Variants in SRPK1 observed in about 807,000 individuals in gnomAD.
The protein encoded by SRPK1 is SFRS protein kinase 1.
SRPK1 carries 52 observed loss-of-function variants against 89.5 expected under a neutral mutation model. The ratio of observed to expected loss-of-function variants is 0.58; its 90% CI spans 0.46 to 0.73. The LOEUF is 0.73. SRPK1 is among the 30% of genes least tolerant of loss of function. The pLI is 0.00. For synonymous variants in SRPK1, 255 were observed against 270.2 expected, an observed-to-expected ratio of 0.94 and a Z score of 0.55; for missense variants, 603 against 780.6, an observed-to-expected ratio of 0.77 and a Z score of 2.71.
At chr6:35,884,648 GAATAA>G (rs1331212712) in intron 6 of SRPK1, among the ~76,000 whole-genome samples, 1 of 152,128 alleles carries the variant, frequency 6.6e-6, no homozygotes, top group Non-Finnish European at 1.5e-5. Flanking sequence ...ATGGAGAAAA[GAATAA>G]AATAGGGAAT....
intron 2 of SRPK1, among the ~76,000 whole-genome samples, chr6:35,903,957 C>T (rs115236822): frequency 0.01 from 1,522 of 152,030 alleles, 21 homozygotes; most frequent in African/African-American, 0.034. Flanking sequence ...GCGTGCATCA[C>T]AACACCCAGC....
At chr6:35,892,008 A>G (rs1770527965) in intron 2 of SRPK1, among the ~76,000 whole-genome samples, 1 of 152,172 alleles carries the variant, frequency 6.6e-6, no homozygotes, top group South Asian at 2.1e-4. Context: ...ACAACTATTA[A>G]CATTTTGGAA....
At chr6:35,857,221 T>C (rs1482494766) in intron 13 of SRPK1, 40 bp downstream of exon 13, 2 of 1,447,676 alleles carry the variant, frequency 1.4e-6, no homozygotes, top group Non-Finnish European at 1.9e-6. Context: ...GCAAGATATG[T>C]ACCACTTAAC....
intron 12 of SRPK1, 126 bp from the exon 13 acceptor site, chr6:35,857,494 T>A: frequency 1.4e-6 from 1 of 734,344 alleles, no homozygotes; most frequent in Non-Finnish European, 2.3e-6. Flanking sequence ...TCACTTTGCT[T>A]ATTTCTTAAA....
At position 35,838,790 on chromosome 6, in the gene SRPK1, C is replaced by T. The variant is rs769809116; in HGVS notation, c.1691-361G>A. 13 of 1,377,274 alleles carry T rather than the reference C, an allele frequency of 9.4e-6. No homozygotes were observed. The Admixed American group carries it at 2.3e-4, about 24-fold the overall frequency. 85.3% of individuals were successfully genotyped at this position (1,377,274 alleles called of 1,614,324 possible). A position where few individuals can be genotyped will look rare whatever the true frequency, so the allele number is the denominator to read the frequency against. The stretch of plus-strand genomic sequence containing the variant: ...CTGCCTATCAGCTCTATAATGTGCA[C>T]AATGTGGTCTAAAATAGAAGGGTAA... On this transcript the variant is annotated intron_variant, in intron 14 of 15. Transcript: ENST00000373825.
At chr6:35,900,711 T>C (rs1441711247) in intron 2 of SRPK1, among the ~76,000 whole-genome samples, 1 of 152,146 alleles carries the variant, frequency 6.6e-6, no homozygotes, top group Admixed American at 6.6e-5. Context: ...TTAAATAGTG[T>C]TGTGACATTT....
chr6:35,881,676 T>C (rs1047037039), intron 6 of SRPK1, among the ~76,000 whole-genome samples: 2 of 152,036 alleles, frequency 1.3e-5, no homozygotes, highest in Admixed American at 1.3e-4. Flanking sequence ...TCTATATTAA[T>C]AAAAGGTTCA....
chr6:35,887,505 CTGAATT>C (rs1452123243), intron 5 of SRPK1, among the ~76,000 whole-genome samples: 1 of 152,126 alleles, frequency 6.6e-6, no homozygotes, highest in African/African-American at 2.4e-5. Flanking sequence ...TTTTCTAATT[CTGAATT>C]TAAGTTCCTT....
Position 35,869,787 on chromosome 6 carries a change from C to T in SRPK1, c.1106G>A (p.Ser369Asn). Residue 369 changes from serine to asparagine, a missense_variant, in exon 11 of 16, where the codon AGT (serine) becomes AAT (asparagine). By Grantham distance (46) the Ser-to-Asn change is conservative. Coordinates refer to ENST00000373825, the MANE Select transcript of SRPK1 (RefSeq NM_003137.5). Reference sequence around the variant, plus strand: ...TTTATGTCTCAATGTTTCATTATTACTGTTCTGAGTATAATTAATGACTTC... The same window carrying T: ...TTTATGTCTCAATGTTTCATTATTATTGTTCTGAGTATAATTAATGACTTC... The part of the protein sequence containing the change: ...VIEVINYTQN[S>N]NNETLRHKED... 1 of 1,613,740 alleles carries T rather than the reference C, an allele frequency of 6.2e-7. No homozygotes were observed. Among genetic ancestry groups the T allele is most frequent in the African/African-American group, 1.3e-5 (1 of 75,050 alleles).
rs138230979 is a variant in SRPK1 at position 35,869,624 on chromosome 6, G to A, written c.1269C>T (p.Asp423=). The change falls in exon 11 of 16, where the codon GAC becomes GAT. Residue 423 remains aspartate (D), a synonymous_variant. Transcript: ENST00000373825. Reference sequence around the variant, plus strand: ...TTGAGGAAGACTGGCACACCATGGTGTCTGACACCTCAGATGTTATAGGTG... The same window carrying A: ...TTGAGGAAGACTGGCACACCATGGTATCTGACACCTCAGATGTTATAGGTG... The part of the protein sequence containing the change: ...SCTPITSEVS[D]TMVCQSSSTV... 18 of 1,613,998 alleles carry A rather than the reference G, an allele frequency of 1.1e-5. No homozygotes were observed. Among genetic ancestry groups the A allele is most frequent in the African/African-American group, 6.7e-5 (5 of 75,056 alleles).
At chr6:35,868,895 C>G in intron 12 of SRPK1, 115 bp downstream of exon 12, 1 of 723,886 alleles carries the variant, frequency 1.4e-6, no homozygotes, top group South Asian at 2.1e-5. Context: ...AAAATATTCA[C>G]TGAAGTGTTG....
chr6:35,914,862 G>A (rs185943537), intron 2 of SRPK1, among the ~76,000 whole-genome samples: 33 of 151,852 alleles, frequency 2.2e-4, no homozygotes, highest in African/African-American at 7.5e-4. Context: ...GCAGTGGTAC[G>A]ATGTTGGCTC....
At chr6:35,881,705 A>G (rs1339731150) in intron 6 of SRPK1, among the ~76,000 whole-genome samples, 1 of 152,196 alleles carries the variant, frequency 6.6e-6, no homozygotes, top group Non-Finnish European at 1.5e-5. Flanking sequence ...CCAAGAAGAT[A>G]TAACAATTAT....
intron 6 of SRPK1, among the ~76,000 whole-genome samples, chr6:35,876,935 T>C (rs1207569630): frequency 6.6e-6 from 1 of 151,970 alleles, no homozygotes; most frequent in Non-Finnish European, 1.5e-5. Context: ...TATAATTCAC[T>C]GAAAAAGGTA....
intron 14 of SRPK1, among the ~76,000 whole-genome samples, chr6:35,841,649 T>C (rs1303843256): frequency 6.6e-6 from 1 of 152,012 alleles, no homozygotes; most frequent in African/African-American, 2.4e-5. Context: ...CTGGCCAACA[T>C]GGTGAAACCC....
At chr6:35,899,059 G>T (rs539196384) in intron 2 of SRPK1, among the ~76,000 whole-genome samples, 1 of 152,278 alleles carries the variant, frequency 6.6e-6, no homozygotes, top group South Asian at 2.1e-4. Flanking sequence ...TACTCAGGAG[G>T]TTGAGGCAGG....
At chr6:35,900,534 C>T (rs75907570) in intron 2 of SRPK1, among the ~76,000 whole-genome samples, 1,612 of 152,278 alleles carry the variant, frequency 0.011, 29 homozygotes, top group African/African-American at 0.037. Context: ...CCTAATTTAT[C>T]TGAACCTATC....
intron 14 of SRPK1, among the ~76,000 whole-genome samples, chr6:35,841,363 T>G (rs1769301566): frequency 6.6e-6 from 1 of 152,190 alleles, no homozygotes; most frequent in African/African-American, 2.4e-5. Context: ...GACCACATTT[T>G]GAGAAACAAA....
intron 15 of SRPK1, among the ~76,000 whole-genome samples, chr6:35,836,003 T>C (rs1336514077): frequency 6.6e-6 from 1 of 152,160 alleles, no homozygotes; most frequent in Non-Finnish European, 1.5e-5. Flanking sequence ...AGTTTTCAGA[T>C]ACAACAGCTT....
Sources: gnomAD v4.1 joint callset for allele counts (sites outside exome capture counted in the v4.1 genomes callset) on GRCh38, gnomAD v4.1.1 for gene constraint, MANE v1.5 for transcripts, NCBI Gene and HGNC (gene_info 2026-07-23, HGNC 2026-07-21) for gene names.